PTPN9: variants seen among roughly 807,000 people sequenced by gnomAD.
PTPN9 encodes tyrosine-protein phosphatase non-receptor type 9.
In PTPN9, 26 loss-of-function variants were observed where a neutral mutation model predicts 69.8. That is an observed-to-expected ratio of 0.37 (90% CI 0.27 to 0.52). The LOEUF (loss-of-function observed/expected upper bound fraction) is 0.52, where lower values mean the gene tolerates loss of function less well. Among genes scored for constraint, PTPN9 ranks in the 20% least tolerant of loss-of-function variants. The pLI is 0.91. For missense variants in PTPN9, 549 were observed against 740.3 expected (o/e 0.74, Z 3.00); for synonymous variants, 274 against 272.5 (o/e 1.01, Z -0.05).
At chr15:75,482,526 C>G (rs2074645485) in intron 8 of PTPN9, among the ~76,000 whole-genome samples, 1 of 131,794 alleles carries the variant, frequency 7.6e-6, no homozygotes, top group Non-Finnish European at 1.5e-5. Context: ...GATCGTGCCA[C>G]TGCACTCCAG....
chr15:75,567,597 TACCTAC>T (rs1441289113), intron 1 of PTPN9, among the ~76,000 whole-genome samples: 3 of 152,164 alleles, frequency 2.0e-5, no homozygotes, highest in African/African-American at 4.8e-5. Flanking sequence ...TTACCTGTGC[TACCTAC>T]ACTGAAAAAA....
At chr15:75,479,517 A>G (rs1160980964) in intron 9 of PTPN9, among the ~76,000 whole-genome samples, 1 of 152,166 alleles carries the variant, frequency 6.6e-6, no homozygotes, top group Non-Finnish European at 1.5e-5. Flanking sequence ...ACTAGACAGG[A>G]AGAGCATGAA....
In PTPN9 at chr15:75,549,016, T is replaced by C. The variant is rs539364695; in HGVS notation, c.64-21755A>G. On this transcript the variant is annotated intron_variant, in intron 1 of 12. Coordinates refer to ENST00000618819, the MANE Select transcript of PTPN9 (RefSeq NM_002833.4). ...CTCTGTAACCAAGGCTGGAGTGCAG[T>C]GGGGCAATCATAGTCCACTGTAATT... 5.3e-5 allele frequency among the ~76,000 whole-genome samples: 8 copies of C among 151,694 alleles called. No homozygotes were observed. The East Asian group carries it at 7.8e-4, about 15-fold the overall frequency.
intron 9 of PTPN9, among the ~76,000 whole-genome samples, chr15:75,478,266 C>T (rs929465603): frequency 1.5e-4 from 23 of 151,918 alleles, no homozygotes; most frequent in Admixed American, 1.4e-3. Flanking sequence ...CCACCACGCC[C>T]GGCTAATTTT....
chr15:75,479,089 A>G (rs1406794289), intron 9 of PTPN9, among the ~76,000 whole-genome samples: 1 of 152,182 alleles, frequency 6.6e-6, no homozygotes, highest in Non-Finnish European at 1.5e-5. Flanking sequence ...CGGGCAGATC[A>G]CGAGGTCAGG....
intron 1 of PTPN9, among the ~76,000 whole-genome samples, chr15:75,561,480 G>A (rs1342850581): frequency 2.0e-5 from 3 of 151,862 alleles, no homozygotes; most frequent in Non-Finnish European, 2.9e-5. Flanking sequence ...TTCAAAAGCT[G>A]TTGTCCCAGA....
intron 1 of PTPN9, among the ~76,000 whole-genome samples, chr15:75,547,946 G>T (rs1254726047): frequency 1.3e-5 from 2 of 151,794 alleles, no homozygotes; most frequent in African/African-American, 4.8e-5. Context: ...GATTACAGGT[G>T]TAAGCCACCA....
chr15:75,482,093 T>C (rs2074640077), intron 8 of PTPN9, among the ~76,000 whole-genome samples: 2 of 150,770 alleles, frequency 1.3e-5, no homozygotes, highest in African/African-American at 4.9e-5. Flanking sequence ...ATGGGAGACT[T>C]TTCATTTTGT....
intron 5 of PTPN9, among the ~76,000 whole-genome samples, chr15:75,516,952 C>T (rs2141317103): frequency 6.6e-6 from 1 of 151,336 alleles, no homozygotes; most frequent in Admixed American, 6.6e-5. Context: ...ACCATGTTGG[C>T]CAGGATGGTC....
chr15:75,470,522 A>G (rs2074558477), intron 11 of PTPN9, among the ~76,000 whole-genome samples, 158 bp downstream of exon 11: 1 of 152,236 alleles, frequency 6.6e-6, no homozygotes, highest in African/African-American at 2.4e-5. Context: ...TAATATGGCT[A>G]TATTGGCTGT....
chr15:75,490,414 G>A, intron 7 of PTPN9, 113 bp from the exon 8 acceptor site: 1 of 733,488 alleles, frequency 1.4e-6, no homozygotes, highest in South Asian at 1.6e-5. Flanking sequence ...TGGAGACATG[G>A]AAGCTTTTCA....
chr15:75,566,593 T>G (rs1430517950), intron 1 of PTPN9, among the ~76,000 whole-genome samples: 1 of 151,708 alleles, frequency 6.6e-6, no homozygotes, highest in East Asian at 1.9e-4. Context: ...GAGACAGAAT[T>G]GCTTGAAGCC....
At chr15:75,546,752 A>C (rs1401891902) in intron 1 of PTPN9, among the ~76,000 whole-genome samples, 2 of 152,152 alleles carry the variant, frequency 1.3e-5, no homozygotes, top group East Asian at 3.9e-4. Context: ...TCTTGTGGAC[A>C]GTTTCATCCT....
intron 7 of PTPN9, among the ~76,000 whole-genome samples, chr15:75,491,927 C>T (rs902007387): frequency 6.6e-6 from 1 of 152,122 alleles, no homozygotes; most frequent in Non-Finnish European, 1.5e-5. Flanking sequence ...GGGACAGGGT[C>T]TCAAAGGTCT....
chr15:75,482,564 CAAAAAA>C (rs145653223), intron 8 of PTPN9, among the ~76,000 whole-genome samples: 4 of 35,388 alleles, frequency 1.1e-4, no homozygotes, highest in African/African-American at 2.0e-4. Flanking sequence ...GACTCCGTCT[CAAAAAA>C]AAAAAAAAAA....
intron 8 of PTPN9, among the ~76,000 whole-genome samples, chr15:75,482,665 A>G (rs2074648435): frequency 6.6e-6 from 1 of 151,108 alleles, no homozygotes; most frequent in Admixed American, 6.6e-5. Context: ...TCCTCTGCCT[A>G]GGAAAACCAG....
At chr15:75,558,732 T>C (rs2075088730) in intron 1 of PTPN9, among the ~76,000 whole-genome samples, 1 of 152,222 alleles carries the variant, frequency 6.6e-6, no homozygotes, top group Non-Finnish European at 1.5e-5. Flanking sequence ...GGTTTCGCTG[T>C]GTTGGCCGGG....
intron 5 of PTPN9, chr15:75,513,515 C>G: frequency 2.4e-6 from 1 of 415,348 alleles, no homozygotes. Flanking sequence ...ACCTGTAATC[C>G]CAGGACTTTG....
intron 1 of PTPN9, among the ~76,000 whole-genome samples, chr15:75,538,290 T>A (rs1452501826): frequency 6.6e-6 from 1 of 152,204 alleles, no homozygotes; most frequent in Non-Finnish European, 1.5e-5. Context: ...AATTTTTTTC[T>A]ATTAAAGATG....
Sources: gnomAD v4.1 joint callset for allele counts (sites outside exome capture counted in the v4.1 genomes callset) on GRCh38, gnomAD v4.1.1 for gene constraint, MANE v1.5 for transcripts, NCBI Gene and HGNC (gene_info 2026-07-23, HGNC 2026-07-21) for gene names.